Variants in PTPRQ observed in about 807,000 individuals in gnomAD.
PTPRQ encodes phosphatidylinositol phosphatase PTPRQ.
In PTPRQ, 199 loss-of-function variants were observed where a neutral mutation model predicts 246.0. The observed-to-expected ratio is 0.81, with a 90% CI of 0.72 to 0.91. PTPRQ has a LOEUF of 0.91. PTPRQ is among the 40% of genes least tolerant of loss of function. PTPRQ has a pLI of 0.00. For synonymous variants in PTPRQ, 869 were observed against 853.2 expected, an observed-to-expected ratio of 1.02 and a Z score of -0.32; for missense variants, 2,624 against 2,528.4, an observed-to-expected ratio of 1.04 and a Z score of -0.81.
chr12:80,506,246 A>G (rs1214714203), intron 15 of PTPRQ, 40 bp downstream of exon 15: 1 of 1,422,038 alleles, frequency 7.0e-7, no homozygotes. Flanking sequence ...TGCATTTATA[A>G]TGACAGAGTA....
chr12:80,593,837 C>G (rs1897881089), intron 26 of PTPRQ: 1 of 151,694 alleles, frequency 6.6e-6, no homozygotes, highest in African/African-American at 2.4e-5. Flanking sequence ...AGGAAATGTA[C>G]AACTTTAAAG....
chr12:80,544,896 A>C (rs557619173), intron 23 of PTPRQ, among the ~76,000 whole-genome samples: 71 of 152,286 alleles, frequency 4.7e-4, no homozygotes, highest in African/African-American at 1.6e-3. Flanking sequence ...ACTGTGGTCC[A>C]CAGATAATAA....
chr12:80,494,992 A>G lies in PTPRQ; in HGVS notation c.1600A>G (p.Arg534Gly), dbSNP rs779308648. 13 of 1,550,268 alleles carry G rather than the reference A, an allele frequency of 8.4e-6. No homozygotes were observed. The highest frequency in any genetic ancestry group is 3.3e-4 in the Middle Eastern group (2 of 5,998). The part of the protein sequence containing the change: ...IAAEQLSYVI[R>G]RLVPFTEHMI... ...AGCTGAACAGCTGTCTTATGTTATC[A>G]GGAGACTTGTACCTTTCACTGAGCA... Residue 534 changes from arginine to glycine, a missense_variant, in exon 11 of 45, where the codon AGG (arginine) becomes GGG (glycine). Arg to Gly is a moderately radical substitution (Grantham distance 125, BLOSUM62 -2). Coordinates refer to ENST00000644991, the MANE Select transcript of PTPRQ (RefSeq NM_001145026.2).
rs187576850 is a variant in PTPRQ, at chr12:80,604,761, G to T, written c.4610-298G>T. Among the ~76,000 whole-genome samples, 240 of 151,408 alleles carry T rather than the reference G, an allele frequency of 1.6e-3. 2 individuals are homozygous for T. Among genetic ancestry groups the T allele is most frequent in the African/African-American group, 5.5e-3 (228 of 41,422 alleles). On this transcript the variant is annotated intron_variant, in intron 26 of 44. Coordinates refer to ENST00000644991, the MANE Select transcript of PTPRQ (RefSeq NM_001145026.2). ...AAAATAAAAATATTTGCTTAAAAAG[G>T]TTTACTTTAGCAATAGTAATGCTTT...
chr12:80,561,888 T>C (rs1896838046), intron 25 of PTPRQ, among the ~76,000 whole-genome samples: 1 of 152,188 alleles, frequency 6.6e-6, no homozygotes, highest in African/African-American at 2.4e-5. Flanking sequence ...TTCAATTCTT[T>C]TACCATTGTT....
intron 35 of PTPRQ, among the ~76,000 whole-genome samples, chr12:80,637,835 C>T (rs1899714420): frequency 1.3e-5 from 2 of 152,152 alleles, no homozygotes; most frequent in African/African-American, 4.8e-5. Flanking sequence ...TAAATCCGTT[C>T]AAAGTCAATC....
At chr12:80,564,816 C>T (rs1896930848) in intron 25 of PTPRQ, among the ~76,000 whole-genome samples, 1 of 152,096 alleles carries the variant, frequency 6.6e-6, no homozygotes, top group South Asian at 2.1e-4. Context: ...TTCAATACAT[C>T]ATTGTGTTCA....
At chr12:80,575,183 C>A (rs1897249995) in intron 25 of PTPRQ, among the ~76,000 whole-genome samples, 1 of 152,144 alleles carries the variant, frequency 6.6e-6, no homozygotes, top group Admixed American at 6.5e-5. Flanking sequence ...ACACTGAACA[C>A]TTTAGTGTAT....
intron 35 of PTPRQ, among the ~76,000 whole-genome samples, chr12:80,639,842 C>A (rs1369865676): frequency 6.6e-6 from 1 of 152,174 alleles, no homozygotes; most frequent in Non-Finnish European, 1.5e-5. Flanking sequence ...CTGTGTTAAA[C>A]TCTGCATGTA....
intron 27 of PTPRQ, among the ~76,000 whole-genome samples, chr12:80,608,237 A>T (rs1898404254): frequency 1.3e-5 from 2 of 150,758 alleles, no homozygotes; most frequent in South Asian, 4.2e-4. Context: ...ATGATGAAAG[A>T]CATTTTATAA....
intron 9 of PTPRQ, among the ~76,000 whole-genome samples, chr12:80,489,278 C>T (rs1212121427): frequency 6.6e-6 from 1 of 151,934 alleles, no homozygotes; most frequent in Non-Finnish European, 1.5e-5. Flanking sequence ...AACTTTGGAG[C>T]CAGGAAAAAT....
At chr12:80,584,566 A>G (rs1474503777) in intron 25 of PTPRQ, among the ~76,000 whole-genome samples, 1 of 152,160 alleles carries the variant, frequency 6.6e-6, no homozygotes, top group Non-Finnish European at 1.5e-5. Flanking sequence ...CCTCTGACAC[A>G]GTAAGTCCCC....
chr12:80,457,342 T>C (rs1311452306), intron 3 of PTPRQ, among the ~76,000 whole-genome samples: 2 of 152,104 alleles, frequency 1.3e-5, no homozygotes, highest in Admixed American at 1.3e-4. Flanking sequence ...TGTGTGACCT[T>C]GGGCAAAGGT....
At chr12:80,466,312 C>T (rs1338044818) in intron 6 of PTPRQ, among the ~76,000 whole-genome samples, 3 of 152,094 alleles carry the variant, frequency 2.0e-5, no homozygotes, top group Non-Finnish European at 4.4e-5. Flanking sequence ...ATGTGAAGGA[C>T]CTCTTCAAGG....
At chr12:80,533,077 A>G (rs1420594424) in intron 17 of PTPRQ, among the ~76,000 whole-genome samples, 1 of 152,202 alleles carries the variant, frequency 6.6e-6, no homozygotes, top group Non-Finnish European at 1.5e-5. Flanking sequence ...ATGAGATTAC[A>G]TGAGACATAT....
Position 80,453,200 on chromosome 12 carries a change from T to C in PTPRQ, c.391-4375T>C, listed in dbSNP as rs190165544. Among the ~76,000 whole-genome samples the C allele has an allele frequency of 3.5e-3, 532 of 152,344 alleles. 16 individuals carry two copies. Among genetic ancestry groups the C allele is most frequent in the Admixed American group, 0.032 (491 of 15,302 alleles). On this transcript the variant is annotated intron_variant, in intron 3 of 44. Transcript: ENST00000644991. Reference sequence around the variant, plus strand: ...GCATTCTTCACGTAGTTTTCGAGCCTTGGCTTTCAGCTCCATCAGCTCCTT... The same window carrying C: ...GCATTCTTCACGTAGTTTTCGAGCCCTGGCTTTCAGCTCCATCAGCTCCTT...
chr12:80,491,755 AC>A (rs1267043654), intron 9 of PTPRQ, among the ~76,000 whole-genome samples: 1 of 151,876 alleles, frequency 6.6e-6, no homozygotes, highest in Non-Finnish European at 1.5e-5. Flanking sequence ...GCTTTACTGA[AC>A]TTTTTCCTGA....
At chr12:80,659,351 T>C (rs1163015) in intron 39 of PTPRQ, among the ~76,000 whole-genome samples, 2,802 of 152,114 alleles carry the variant, frequency 0.018, 76 homozygotes, top group African/African-American at 0.064. Context: ...AAGTTTTACT[T>C]GGATTTACAA....
chr12:80,484,686 C>A, intron 9 of PTPRQ, 81 bp downstream of exon 9: 9 of 1,484,402 alleles, frequency 6.1e-6, no homozygotes, highest in Non-Finnish European at 8.1e-6. Context: ...TTGCTAGCAC[C>A]CACACATGTA....
Sources: allele counts gnomAD v4.1 joint callset (sites outside exome capture counted in the v4.1 genomes callset), GRCh38; gene constraint gnomAD v4.1.1; transcripts MANE v1.5; gene names NCBI Gene and HGNC (gene_info 2026-07-23, HGNC 2026-07-21).